DMD: variants seen among roughly 807,000 people sequenced by gnomAD.
DMD encodes dystrophin.
A neutral mutation model predicts 330.1 loss-of-function variants in DMD; 63 were observed. That is an observed-to-expected ratio of 0.19 (90% CI 0.16 to 0.24). DMD has a LOEUF of 0.24. DMD is among the 10% of genes least tolerant of loss of function. The probability of loss-of-function intolerance (pLI) is 1.00; values close to 1 mark genes in which losing one functional copy is unlikely to be tolerated. For missense variants in DMD, 3,344 were observed against 2,684.1 expected, an observed-to-expected ratio of 1.25 and a Z score of -5.43; for synonymous variants, 1,223 against 959.8, an observed-to-expected ratio of 1.27 and a Z score of -5.07.
intron 29 of DMD, among the ~76,000 whole-genome samples, chrX:32,427,308 C>G (rs1004714453): frequency 1.8e-5 from 2 of 110,939 alleles, no homozygotes; most frequent in Non-Finnish European, 3.8e-5. Context: ...TTTGAGTAGC[C>G]TATGAGATAT....
intron 44 of DMD, among the ~76,000 whole-genome samples, chrX:32,061,701 C>G (rs1469848723): frequency 9.0e-6 from 1 of 111,331 alleles, no homozygotes; most frequent in Non-Finnish European, 1.9e-5. Flanking sequence ...TTCCATCATT[C>G]TGTAATAGGT....
At chrX:32,139,931 A>G (rs1298372084) in intron 44 of DMD, among the ~76,000 whole-genome samples, 1 of 112,657 alleles carries the variant, frequency 8.9e-6, no homozygotes, top group African/African-American at 3.2e-5. Flanking sequence ...TTATTTTTAT[A>G]CAAGAAACGG....
At chrX:33,054,816 AC>A (rs2094498828) in intron 1 of DMD, among the ~76,000 whole-genome samples, 1 of 111,736 alleles carries the variant, frequency 8.9e-6, no homozygotes, top group African/African-American at 3.3e-5. Flanking sequence ...CAAGAATGAT[AC>A]CCCCAAACCT....
Position 31,261,045 on chromosome X carries a change from T to C in DMD, c.9225-29A>G, listed in dbSNP as rs763440215. ...AAACACAAAACATAAAGAAAGACTT[T>C]AGCATTTACAATGAGTAGTCAAGAA... On this transcript the variant is annotated intron_variant, in intron 62 of 78. Coordinates refer to ENST00000357033, the MANE Select transcript of DMD (RefSeq NM_004006.3). The C allele has an allele frequency of 2.0e-5, 23 of 1,170,046 alleles. No homozygotes were observed. In the Admixed American group the frequency reaches 4.6e-4, roughly 23 times the overall value.
At chrX:32,475,861 C>A (rs1324903321) in intron 21 of DMD, among the ~76,000 whole-genome samples, 1 of 110,713 alleles carries the variant, frequency 9.0e-6, no homozygotes, top group African/African-American at 3.3e-5. Context: ...GATTTGGATG[C>A]CCTTTATTTC....
At chrX:32,229,649 CATAT>C (rs550544963) in intron 43 of DMD, among the ~76,000 whole-genome samples, 4 of 61,206 alleles carry the variant, frequency 6.5e-5, no homozygotes, top group African/African-American at 1.2e-4. Context: ...ACATATTTTA[CATAT>C]ATATATATAT....
intron 7 of DMD, among the ~76,000 whole-genome samples, chrX:32,711,339 C>A (rs1479110838): frequency 9.0e-6 from 1 of 110,809 alleles, no homozygotes; most frequent in Non-Finnish European, 1.9e-5. Flanking sequence ...AACCCAGGGG[C>A]TTGGTATAAC....
intron 2 of DMD, among the ~76,000 whole-genome samples, chrX:32,928,052 T>G (rs1457879105): frequency 1.8e-5 from 2 of 111,166 alleles, no homozygotes; most frequent in Non-Finnish European, 3.8e-5. Context: ...GATAAGAAAT[T>G]GATGCCATTA....
chrX:31,798,165 C>A (rs966400110), intron 50 of DMD, among the ~76,000 whole-genome samples: 6 of 111,867 alleles, frequency 5.4e-5, no homozygotes, highest in African/African-American at 1.9e-4. Context: ...ACTTTTGAGT[C>A]TCAAAATCAA....
chrX:31,799,458 T>G (rs933496269), intron 50 of DMD, among the ~76,000 whole-genome samples: 3 of 111,014 alleles, frequency 2.7e-5, no homozygotes, highest in Non-Finnish European at 3.8e-5. Context: ...CCCACTATCA[T>G]GAGAATAGCA....
chrX:32,745,144 A>T (rs1384567633), intron 7 of DMD, among the ~76,000 whole-genome samples: 2 of 111,427 alleles, frequency 1.8e-5, no homozygotes, highest in Middle Eastern at 4.6e-3. Flanking sequence ...GAAAAAAGTA[A>T]TTGGCAAGAA....
At chrX:32,346,532 T>A (rs575273417) in intron 38 of DMD, among the ~76,000 whole-genome samples, 1 of 111,541 alleles carries the variant, frequency 9.0e-6, no homozygotes, top group Admixed American at 9.6e-5. Flanking sequence ...CACAACTACA[T>A]GAAAATATTT....
intron 60 of DMD, among the ~76,000 whole-genome samples, chrX:31,437,395 G>A (rs1384665279): frequency 9.0e-6 from 1 of 111,540 alleles, no homozygotes; most frequent in Non-Finnish European, 1.9e-5. Context: ...CATCTCCTGG[G>A]AGCATGATAG....
chrX:32,895,156 C>T (rs994689820), intron 2 of DMD, among the ~76,000 whole-genome samples: 1 of 112,097 alleles, frequency 8.9e-6, no homozygotes, highest in Non-Finnish European at 1.9e-5. Context: ...AATTAATTCC[C>T]AAAGGTTCCA....
intron 44 of DMD, among the ~76,000 whole-genome samples, chrX:32,132,433 A>C (rs1837525222): frequency 8.9e-6 from 1 of 111,991 alleles, no homozygotes; most frequent in Admixed American, 9.5e-5. Flanking sequence ...TGGTGAAATG[A>C]GGATAATGAG....
intron 11 of DMD, among the ~76,000 whole-genome samples, chrX:32,619,192 A>G (rs2057807114): frequency 8.9e-6 from 1 of 111,791 alleles, no homozygotes; most frequent in African/African-American, 3.2e-5. Context: ...TATTATGTTA[A>G]GTGAAATAAG....
chrX:31,321,111 G>T (rs756920053), intron 62 of DMD, among the ~76,000 whole-genome samples: 4 of 111,330 alleles, frequency 3.6e-5, no homozygotes, highest in Admixed American at 2.9e-4. Flanking sequence ...TTTAAAGTAA[G>T]AATTTACATT....
intron 55 of DMD, among the ~76,000 whole-genome samples, chrX:31,581,188 G>A (rs1407337131): frequency 8.9e-6 from 1 of 111,959 alleles, no homozygotes; most frequent in African/African-American, 3.2e-5. Flanking sequence ...CTGACTACAT[G>A]CTGATTGGCT....
At chrX:31,886,201 T>A (rs2094151899) in intron 47 of DMD, among the ~76,000 whole-genome samples, 1 of 111,410 alleles carries the variant, frequency 9.0e-6, no homozygotes, top group Admixed American at 9.6e-5. Flanking sequence ...AACTTAATTT[T>A]AAAATCCTAT....
Sources: gnomAD v4.1 joint callset for allele counts (sites outside exome capture counted in the v4.1 genomes callset) on GRCh38, gnomAD v4.1.1 for gene constraint, MANE v1.5 for transcripts, NCBI Gene and HGNC (gene_info 2026-07-23, HGNC 2026-07-21) for gene names.